The following PSMA3 variants were observed in gnomAD, a reference collection of about 807,000 sequenced individuals.
PSMA3 encodes proteasome 20S subunit alpha 3.
PSMA3 carries 8 observed loss-of-function variants against 40.0 expected under a neutral mutation model. The ratio of observed to expected loss-of-function variants is 0.20; its 90% CI spans 0.12 to 0.36. The LOEUF (loss-of-function observed/expected upper bound fraction) is 0.36. Ranked by LOEUF, PSMA3 falls within the 10% of genes least tolerant of loss-of-function variation. PSMA3 has a pLI of 1.00. For missense variants in PSMA3, 219 were observed against 310.6 expected, an observed-to-expected ratio of 0.70 and a Z score of 2.22; for synonymous variants, 110 against 100.0, an observed-to-expected ratio of 1.10 and a Z score of -0.59.
chr14:58,246,536 C>T (rs1889884634), intron 1 of PSMA3, among the ~76,000 whole-genome samples: 1 of 152,054 alleles, frequency 6.6e-6, no homozygotes, highest in Non-Finnish European at 1.5e-5. Flanking sequence ...AGAGCTGGGA[C>T]TACAGGTGCG....
chr14:58,252,198 G>T lies in PSMA3; in HGVS notation c.184G>T (p.Gly62Cys), dbSNP rs968656732. 1.2e-6 allele frequency: 2 copies of T among 1,612,736 alleles called. No homozygotes were observed. Among genetic ancestry groups the T allele is most frequent in the Non-Finnish European group, 1.7e-6 (2 of 1,179,678 alleles). ...AGTCCTTTCTAAACTTTATGAAGAA[G>T]GTTCCAACAAAAGACTTTTTAATGT... ...KLVLSKLYEE[G>C]SNKRLFNVDR... The change falls in exon 3 of 11, where the codon GGT (glycine) becomes TGT (cysteine). Residue 62 changes from glycine (G) to cysteine (C), a missense_variant. Physicochemically the swap from Gly to Cys is radical, Grantham distance 159 (BLOSUM62 -3). Transcript: ENST00000216455.
intron 3 of PSMA3, among the ~76,000 whole-genome samples, chr14:58,252,452 G>A (rs190401641): frequency 3.1e-4 from 47 of 152,288 alleles, no homozygotes; most frequent in Non-Finnish European, 5.0e-4. Context: ...GTGAGGGAGA[G>A]GGCTGGGGAG....
At chr14:58,270,861 T>G in intron 9 of PSMA3, 73 bp from the exon 10 acceptor site, 1 of 1,266,160 alleles carries the variant, frequency 7.9e-7, no homozygotes, top group South Asian at 1.4e-5. Context: ...ATTGGGTAGA[T>G]CCTATGGTAT....
intron 1 of PSMA3, 106 bp downstream of exon 1, chr14:58,245,047 C>T (rs1412656692): frequency 6.8e-7 from 1 of 1,477,370 alleles, no homozygotes; most frequent in East Asian, 2.3e-5. Flanking sequence ...TCTGAGACCG[C>T]CTTCGGCTGG....
At chr14:58,249,388 C>CT (rs1352546011) in intron 2 of PSMA3, among the ~76,000 whole-genome samples, 2 of 152,316 alleles carry the variant, frequency 1.3e-5, no homozygotes, top group South Asian at 4.1e-4. Context: ...GTCTCACTCA[C>CT]TATGTTGCCT....
chr14:58,267,710 A>G, intron 8 of PSMA3, 190 bp downstream of exon 8: 1 of 1,059,550 alleles, frequency 9.4e-7, no homozygotes, highest in Admixed American at 4.6e-5. Flanking sequence ...TTTAGTAGTA[A>G]TGAATAGGAT....
rs1178277496 is a variant in PSMA3 at position 58,267,646 on chromosome 14, A to G, written c.590+126A>G. 6.3e-6 allele frequency: 8 copies of G among 1,275,668 alleles called. No homozygotes were observed. The African/African-American group carries it at 1.2e-4, about 20-fold the overall frequency. The allele number at this position is 1,275,668 out of a possible 1,614,324, so 79.0% of individuals were successfully genotyped here. On this transcript the variant is annotated intron_variant, in intron 8 of 10. Coordinates refer to ENST00000216455, the MANE Select transcript of PSMA3 (RefSeq NM_002788.4). ...TTAGTGTATAATTTTTAGAAGGTAA[A>G]TTTAACATTCTAAGAAGCCTCACGA...
intron 9 of PSMA3, among the ~76,000 whole-genome samples, chr14:58,270,692 T>C (rs1388395931): frequency 6.6e-6 from 1 of 152,262 alleles, no homozygotes; most frequent in Non-Finnish European, 1.5e-5. Context: ...TACTATGCTA[T>C]AAATTAATGC....
chr14:58,259,010 C>T (rs1890210313), intron 5 of PSMA3, among the ~76,000 whole-genome samples: 1 of 152,172 alleles, frequency 6.6e-6, no homozygotes, highest in South Asian at 2.1e-4. Flanking sequence ...TGGCTGACTG[C>T]AGCTTTGACC....
intron 7 of PSMA3, 45 bp downstream of exon 7, chr14:58,263,815 C>T (rs747731919): frequency 6.4e-7 from 1 of 1,553,828 alleles, no homozygotes; most frequent in Non-Finnish European, 8.9e-7. Context: ...CATCCTAATG[C>T]AGTGAAATTT....
At chr14:58,258,193 T>C (rs1890190597) in intron 5 of PSMA3, 195 bp downstream of exon 5, 1 of 504,718 alleles carries the variant, frequency 2.0e-6, no homozygotes, top group African/African-American at 1.9e-5. Flanking sequence ...ATCCCAGTAC[T>C]TTGGGAGGTT....
At chr14:58,245,760 T>A (rs1437615165) in intron 1 of PSMA3, among the ~76,000 whole-genome samples, 1 of 152,190 alleles carries the variant, frequency 6.6e-6, no homozygotes, top group African/African-American at 2.4e-5. Context: ...TGCACTAGAG[T>A]TATTGAATAA....
At chr14:58,257,896 T>C in intron 4 of PSMA3, 29 bp from the exon 5 acceptor site, 2 of 1,612,948 alleles carry the variant, frequency 1.2e-6, no homozygotes, top group Non-Finnish European at 1.7e-6. Flanking sequence ...TAGAAGTTTA[T>C]TAATAAGCTC....
Position 58,244,879 on chromosome 14 carries a change from T to G in PSMA3, c.-42T>G. On this transcript the variant is annotated 5_prime_UTR_variant, in exon 1 of 11. Coordinates refer to ENST00000216455, the MANE Select transcript of PSMA3 (RefSeq NM_002788.4). Reference sequence around the variant, plus strand: ...GCATCCTGTGGTATAGGGGAAGCGCTCCGGGCCTGGAATCCCTACGCGTCC... The same window carrying G: ...GCATCCTGTGGTATAGGGGAAGCGCGCCGGGCCTGGAATCCCTACGCGTCC... 1 of 1,614,116 alleles carries G rather than the reference T, an allele frequency of 6.2e-7. No individual in the cohort carries two copies. The highest frequency in any genetic ancestry group is 1.1e-5 in the South Asian group (1 of 91,072).
At chr14:58,259,063 G>GACCAC in intron 5 of PSMA3, among the ~76,000 whole-genome samples, 2 of 152,244 alleles carry the variant, frequency 1.3e-5, no homozygotes, top group East Asian at 3.9e-4. Flanking sequence ...AAGTAGCTGG[G>GACCAC]ACCACAGGCA....
rs12894161 is a variant in PSMA3, at chr14:58,260,559, T to C, written c.405-389T>C. Among the ~76,000 whole-genome samples, 1,188 of 152,318 alleles carry C rather than the reference T, an allele frequency of 7.8e-3. 8 individuals are homozygous for C. Among genetic ancestry groups the C allele is most frequent in the Admixed American group, 0.014 (218 of 15,296 alleles). On this transcript the variant is annotated intron_variant, in intron 5 of 10. Coordinates refer to ENST00000216455, the MANE Select transcript of PSMA3 (RefSeq NM_002788.4). ...ATTGGCAGGATATTGGGAAATAGAA[T>C]GAAGGGTGGAAAGAATTTCACATGG...
In PSMA3 at chr14:58,247,849, C is replaced by G; in HGVS notation, c.104+17C>G. 6.7e-7 allele frequency: 1 copy of G among 1,501,198 alleles called. No homozygotes were observed. The highest frequency in any genetic ancestry group is 9.2e-7 in the Non-Finnish European group (1 of 1,089,806). 93.0% of individuals were successfully genotyped at this position (1,501,198 alleles called of 1,614,324 possible). ...AAATAGTAGGTAAGAAACATTTAAC[C>G]AGGTATTACATGTCTCCTTTTATTT... On this transcript the variant is annotated intron_variant, in intron 2 of 10. Transcript: ENST00000216455.
At chr14:58,257,668 A>C (rs1890175797) in intron 3 of PSMA3, 77 bp from the exon 4 acceptor site, 4 of 1,303,880 alleles carry the variant, frequency 3.1e-6, no homozygotes, top group Non-Finnish European at 4.3e-6. Flanking sequence ...AAAAATGTTT[A>C]ATAAGTCTTT....
rs1172280114 is a variant in PSMA3 at position 58,252,252 on chromosome 14, T to C, written c.228+10T>C. The C allele has an allele frequency of 6.2e-7, 1 of 1,601,642 alleles. No individual in the cohort carries two copies. Among genetic ancestry groups the C allele is most frequent in the Admixed American group, 1.8e-5 (1 of 55,954 alleles). On this transcript the variant is annotated intron_variant, in intron 3 of 10. Transcript: ENST00000216455. ...TCGGCATGTTGGAATGGTAAGGTCATGTTTAAAATGTTCCTTTTTGTCTTG... is the reference window on the plus strand; with the variant it reads ...TCGGCATGTTGGAATGGTAAGGTCACGTTTAAAATGTTCCTTTTTGTCTTG...
Sources: gnomAD v4.1 joint callset for allele counts (sites outside exome capture counted in the v4.1 genomes callset) on GRCh38, gnomAD v4.1.1 for gene constraint, MANE v1.5 for transcripts, NCBI Gene and HGNC (gene_info 2026-07-23, HGNC 2026-07-21) for gene names.